Variants in NUDCD1 observed in about 807,000 individuals in gnomAD.
NUDCD1 encodes NudC domain containing 1.
A neutral mutation model predicts 67.8 loss-of-function variants in NUDCD1; 60 were observed. The observed-to-expected ratio is 0.88, with a 90% CI of 0.72 to 1.10. The LOEUF (loss-of-function observed/expected upper bound fraction) is 1.10, where lower values mean the gene tolerates loss of function less well. NUDCD1 is among the 50% of genes least tolerant of loss of function. The probability of loss-of-function intolerance (pLI) is 0.00; values close to 1 mark genes in which losing one functional copy is unlikely to be tolerated. For synonymous variants in NUDCD1, 244 were observed against 230.8 expected (o/e 1.06, Z -0.52); for missense variants, 643 against 695.0 (o/e 0.93, Z 0.84).
chr8:109,275,632 T>G (rs538458816), intron 6 of NUDCD1, 136 bp from the exon 7 acceptor site: 114 of 730,808 alleles, frequency 1.6e-4, no homozygotes, highest in Middle Eastern at 3.7e-4. Flanking sequence ...CCAAAAATCT[T>G]GCTCATTTAA....
At chr8:109,287,788 G>A (rs1795004688) in intron 5 of NUDCD1, among the ~76,000 whole-genome samples, 1 of 151,952 alleles carries the variant, frequency 6.6e-6, no homozygotes, top group African/African-American at 2.4e-5. Flanking sequence ...AATAGAAGTT[G>A]AAATTTTAAA....
intron 8 of NUDCD1, among the ~76,000 whole-genome samples, chr8:109,261,141 GATTAA>G (rs1255562053): frequency 3.7e-4 from 57 of 152,146 alleles, no homozygotes; most frequent in African/African-American, 1.3e-3. Flanking sequence ...TTAGATAACT[GATTAA>G]ATTATAGTAT....
chr8:109,318,960 T>A (rs1815468398), intron 2 of NUDCD1, among the ~76,000 whole-genome samples: 1 of 27,766 alleles, frequency 3.6e-5, no homozygotes, highest in Non-Finnish European at 7.8e-5. Context: ...CATTTTATGT[T>A]TTTTTTTTTT....
rs1410397527 is a variant in NUDCD1, at chr8:109,241,583, C to T, written c.*1426G>A. 1 of 152,208 alleles carries T rather than the reference C, an allele frequency of 6.6e-6. No homozygotes were observed. The highest frequency in any genetic ancestry group is 2.4e-5 in the African/African-American group (1 of 41,436). The allele number at this position is 152,208 out of a possible 1,614,324, so 9.4% of individuals were successfully genotyped here. ...AGAGTACTATTAGGACTCCAATTGT[C>T]AATACCAGTCCTCAGGACCTTTCCT... On this transcript the variant is annotated 3_prime_UTR_variant, in exon 10 of 10. Coordinates refer to ENST00000239690, the MANE Select transcript of NUDCD1 (RefSeq NM_032869.4).
At position 109,320,805 on chromosome 8, in the gene NUDCD1, C is replaced by T. The variant is rs543326610; in HGVS notation, c.273+1504G>A. Among the ~76,000 whole-genome samples the T allele has an allele frequency of 1.1e-4, 17 of 152,310 alleles. No homozygotes were observed. In the South Asian group the frequency reaches 1.9e-3, roughly 17 times the overall value. On this transcript the variant is annotated intron_variant, in intron 2 of 9. Transcript: ENST00000239690. Reference sequence around the variant, plus strand: ...ATGTCCATGAAATCTTCACAATCTACGTTCTTCTGCCATGGCTTCAGCTGG... The same window carrying T: ...ATGTCCATGAAATCTTCACAATCTATGTTCTTCTGCCATGGCTTCAGCTGG...
intron 6 of NUDCD1, among the ~76,000 whole-genome samples, chr8:109,278,806 G>A (rs1563669121): frequency 6.6e-6 from 1 of 152,176 alleles, no homozygotes; most frequent in Non-Finnish European, 1.5e-5. Context: ...AGTAACACTA[G>A]AGATATTTCT....
chr8:109,301,414 C>G (rs1456530664), intron 2 of NUDCD1, among the ~76,000 whole-genome samples: 2 of 152,222 alleles, frequency 1.3e-5, no homozygotes, highest in Non-Finnish European at 2.9e-5. Flanking sequence ...TCGGACTCAG[C>G]TCGCCTGCAC....
chr8:109,320,685 T>A (rs914334655), intron 2 of NUDCD1, among the ~76,000 whole-genome samples: 1 of 152,186 alleles, frequency 6.6e-6, no homozygotes, highest in Non-Finnish European at 1.5e-5. Context: ...GGGGAAGTGA[T>A]AAGTGTCCAT....
chr8:109,242,821 T>C lies in NUDCD1; in HGVS notation c.*188A>G. 1 of 374,952 alleles carries C rather than the reference T, an allele frequency of 2.7e-6. No homozygotes were observed. The highest frequency in any genetic ancestry group is 4.8e-6 in the Non-Finnish European group (1 of 209,142). The allele number at this position is 374,952 out of a possible 1,614,324, so 23.2% of individuals were successfully genotyped here. Reference sequence around the variant, plus strand: ...TTCAGAAGCCAATGTTCTCTAAATCTGCAGCTTCATTCCACAGCTTTACAG... The same window carrying C: ...TTCAGAAGCCAATGTTCTCTAAATCCGCAGCTTCATTCCACAGCTTTACAG... On this transcript the variant is annotated 3_prime_UTR_variant, in exon 10 of 10. Coordinates refer to ENST00000239690, the MANE Select transcript of NUDCD1 (RefSeq NM_032869.4).
intron 7 of NUDCD1, among the ~76,000 whole-genome samples, chr8:109,272,689 A>C (rs1814184907): frequency 1.3e-5 from 2 of 152,174 alleles, no homozygotes; most frequent in African/African-American, 4.8e-5. Flanking sequence ...TTAAGAACTT[A>C]ATGAAATGAA....
intron 7 of NUDCD1, among the ~76,000 whole-genome samples, chr8:109,274,181 G>T (rs1309863534): frequency 6.6e-6 from 1 of 152,100 alleles, no homozygotes; most frequent in East Asian, 1.9e-4. Context: ...TATAGCTGTG[G>T]AGTAGACATT....
chr8:109,283,989 T>TAAAAAAAAAAAAA (rs58089818), intron 5 of NUDCD1, among the ~76,000 whole-genome samples: 1 of 133,148 alleles, frequency 7.5e-6, no homozygotes, highest in African/African-American at 2.9e-5. Context: ...AAAGCTGGAT[T>TAAAAAAAAAAAAA]AAAAAAAAAA....
chr8:109,285,291 G>A (rs1228298933), intron 5 of NUDCD1, among the ~76,000 whole-genome samples: 2 of 151,956 alleles, frequency 1.3e-5, no homozygotes, highest in Non-Finnish European at 2.9e-5. Flanking sequence ...CGAGAAGGAG[G>A]AACTCCCTCC....
At chr8:109,330,566 C>T (rs1438181688) in intron 1 of NUDCD1, among the ~76,000 whole-genome samples, 1 of 152,226 alleles carries the variant, frequency 6.6e-6, no homozygotes, top group African/African-American at 2.4e-5. Flanking sequence ...TTGCAAAAGC[C>T]TCCTATCTGC....
chr8:109,319,607 C>A (rs561359380), intron 2 of NUDCD1, among the ~76,000 whole-genome samples: 1 of 152,248 alleles, frequency 6.6e-6, no homozygotes, highest in South Asian at 2.1e-4. Flanking sequence ...TAAAAGTATG[C>A]TCCAGGTAGT....
intron 1 of NUDCD1, among the ~76,000 whole-genome samples, chr8:109,323,918 C>G (rs1815601142): frequency 6.6e-6 from 1 of 151,852 alleles, no homozygotes; most frequent in African/African-American, 2.4e-5. Flanking sequence ...TCATCATATG[C>G]AAAAATCAAC....
At chr8:109,276,613 A>G (rs1192670891) in intron 6 of NUDCD1, among the ~76,000 whole-genome samples, 1 of 152,192 alleles carries the variant, frequency 6.6e-6, no homozygotes, top group Non-Finnish European at 1.5e-5. Context: ...AGTACTTATA[A>G]TTAGCACTGA....
intron 2 of NUDCD1, among the ~76,000 whole-genome samples, chr8:109,299,697 C>G (rs138932953): frequency 6.8e-4 from 103 of 152,310 alleles, no homozygotes; most frequent in African/African-American, 2.3e-3. Context: ...AAGGCATATA[C>G]TCTTGGGAGT....
intron 8 of NUDCD1, among the ~76,000 whole-genome samples, chr8:109,270,666 A>G (rs1814128260): frequency 6.6e-6 from 1 of 152,174 alleles, no homozygotes; most frequent in Admixed American, 6.5e-5. Flanking sequence ...TAATCCAACC[A>G]TTAAACCAGA....
Sources: gnomAD v4.1 joint callset for allele counts (sites outside exome capture counted in the v4.1 genomes callset) on GRCh38, gnomAD v4.1.1 for gene constraint, MANE v1.5 for transcripts, NCBI Gene and HGNC (gene_info 2026-07-23, HGNC 2026-07-21) for gene names.